The following C13orf42 variants were observed in gnomAD, a reference collection of about 807,000 sequenced individuals.
C13orf42 encodes the protein chromosome 13 open reading frame 42, also known as uncharacterized protein C13orf42.
At chr13:51,129,585 C>A (rs1953600300) in intron 1 of C13orf42, among the ~76,000 whole-genome samples, 2 of 152,188 alleles carry the variant, frequency 1.3e-5, no homozygotes, top group African/African-American at 4.8e-5. Context: ...GCCTTCCCCA[C>A]CCTGCCACAG....
intron 1 of C13orf42, among the ~76,000 whole-genome samples, chr13:51,109,978 A>G (rs908463291): frequency 6.6e-6 from 1 of 152,166 alleles, no homozygotes; most frequent in African/African-American, 2.4e-5. Flanking sequence ...CAAAGAGATA[A>G]ATGCAAATTA....
intron 1 of C13orf42, among the ~76,000 whole-genome samples, chr13:51,104,087 C>A (rs1166944142): frequency 6.6e-6 from 1 of 152,108 alleles, no homozygotes; most frequent in Non-Finnish European, 1.5e-5. Context: ...ATTGTCAAAC[C>A]TTTTATAAAA....
intron 1 of C13orf42, among the ~76,000 whole-genome samples, chr13:51,098,777 G>A (rs1953259593): frequency 6.6e-6 from 1 of 151,774 alleles, no homozygotes; most frequent in Non-Finnish European, 1.5e-5. Context: ...CTCAAGCTAT[G>A]GGCTGCATTA....
chr13:51,097,734 C>T (rs899330760), intron 1 of C13orf42, among the ~76,000 whole-genome samples: 16 of 151,948 alleles, frequency 1.1e-4, no homozygotes, highest in African/African-American at 3.6e-4. Flanking sequence ...TGGATTGCTT[C>T]CCTCCCAATC....
chr13:51,148,381 C>T (rs1057248487), intron 1 of C13orf42, among the ~76,000 whole-genome samples: 4 of 152,208 alleles, frequency 2.6e-5, no homozygotes, highest in African/African-American at 9.6e-5. Flanking sequence ...GGGAGGAGAG[C>T]GACGCACAGG....
At chr13:51,105,962 T>C (rs1436622002) in intron 1 of C13orf42, among the ~76,000 whole-genome samples, 2 of 152,230 alleles carry the variant, frequency 1.3e-5, no homozygotes, top group African/African-American at 4.8e-5. Context: ...GATATGAAAG[T>C]ATCTTGTTGA....
intron 1 of C13orf42, among the ~76,000 whole-genome samples, chr13:51,154,689 A>T (rs1049232491): frequency 3.3e-5 from 5 of 152,232 alleles, no homozygotes; most frequent in African/African-American, 1.2e-4. Context: ...TCATTTATCA[A>T]TGCATGCATT....
chr13:51,163,088 A>G (rs1953878555), intron 1 of C13orf42, among the ~76,000 whole-genome samples: 1 of 152,000 alleles, frequency 6.6e-6, no homozygotes, highest in Non-Finnish European at 1.5e-5. Flanking sequence ...CCCAAATTCC[A>G]ATTTCTGTCT....
intron 1 of C13orf42, among the ~76,000 whole-genome samples, chr13:51,136,598 G>A (rs1193568052): frequency 6.6e-6 from 1 of 152,200 alleles, no homozygotes; most frequent in African/African-American, 2.4e-5. Context: ...GCTCACCGGG[G>A]TGTGGGACAA....
In C13orf42 at chr13:51,083,666, C is replaced by A. The variant is rs1009402734; in HGVS notation, c.*485G>T. On this transcript the variant is annotated 3_prime_UTR_variant, in exon 4 of 4. Transcript: ENST00000563710. ...GCTGCTTTCTCAACTGCATTCTGCACACAAGACGGCAACCTCAGTGCAGAT... is the reference window on the plus strand; with the variant it reads ...GCTGCTTTCTCAACTGCATTCTGCAAACAAGACGGCAACCTCAGTGCAGAT... The A allele has an allele frequency of 6.6e-6, 1 of 152,472 alleles. No homozygotes were observed. Among genetic ancestry groups the A allele is most frequent in the Non-Finnish European group, 1.5e-5 (1 of 68,206 alleles). 9.4% of individuals were successfully genotyped at this position (152,472 alleles called of 1,614,324 possible).
chr13:51,165,217 T>C lies in C13orf42; in HGVS notation n.136+7036A>G, dbSNP rs376596579. Among the ~76,000 whole-genome samples the C allele has an allele frequency of 4.6e-5, 7 of 152,338 alleles. No individual in the cohort carries two copies. In the East Asian group the frequency reaches 9.6e-4, roughly 21 times the overall value. ...TGGCTGAGCTGCCTTATGCTGACTCTGTCCCTGTATCAAAAGCTATAGCTC... is the reference window on the plus strand; with the variant it reads ...TGGCTGAGCTGCCTTATGCTGACTCCGTCCCTGTATCAAAAGCTATAGCTC... On this transcript the variant is annotated intron_variant and non_coding_transcript_variant, in intron 1 of 4. Transcript: ENST00000433280.
At chr13:51,100,495 G>A (rs9568511) in intron 1 of C13orf42, among the ~76,000 whole-genome samples, 25,716 of 152,048 alleles carry the variant, frequency 0.17, 2,369 homozygotes, top group South Asian at 0.32. Flanking sequence ...GAAAATGTAT[G>A]AAGACATGAA....
intron 1 of C13orf42, among the ~76,000 whole-genome samples, chr13:51,096,240 C>T (rs1953233600): frequency 6.6e-6 from 1 of 152,148 alleles, no homozygotes; most frequent in African/African-American, 2.4e-5. Context: ...CACTTTTGCC[C>T]CTCTGTTAGC....
chr13:51,143,317 G>A (rs964437744), intron 1 of C13orf42, among the ~76,000 whole-genome samples: 2 of 152,228 alleles, frequency 1.3e-5, no homozygotes, highest in African/African-American at 2.4e-5. Flanking sequence ...GATTGTAAGG[G>A]CCCATTTTGA....
intron 2 of C13orf42, among the ~76,000 whole-genome samples, chr13:51,086,654 G>A (rs1953131018): frequency 2.0e-5 from 3 of 152,078 alleles, no homozygotes; most frequent in African/African-American, 7.2e-5. Context: ...TGTTATCAGA[G>A]GAGAAAAGTG....
intron 1 of C13orf42, among the ~76,000 whole-genome samples, chr13:51,142,885 AG>A (rs1412871841): frequency 2.0e-5 from 3 of 152,162 alleles, no homozygotes; most frequent in African/African-American, 7.2e-5. Flanking sequence ...AGAACAAATC[AG>A]AAAGTCCGAC....
intron 1 of C13orf42, among the ~76,000 whole-genome samples, chr13:51,141,025 ATTTT>A (rs540697527): frequency 6.9e-6 from 1 of 145,426 alleles, no homozygotes; most frequent in African/African-American, 2.6e-5. Flanking sequence ...ATTAAAAAAA[ATTTT>A]TTTTTTTTGT....
chr13:51,141,779 CAG>C (rs1244516040), intron 1 of C13orf42, among the ~76,000 whole-genome samples: 2 of 146,726 alleles, frequency 1.4e-5, no homozygotes, highest in Non-Finnish European at 3.0e-5. Flanking sequence ...GCCTGGGTGA[CAG>C]AGTTAGACTC....
At chr13:51,156,896 C>T (rs1481026189) in intron 1 of C13orf42, among the ~76,000 whole-genome samples, 1 of 152,198 alleles carries the variant, frequency 6.6e-6, no homozygotes, top group Non-Finnish European at 1.5e-5. Flanking sequence ...GCAATTGTTA[C>T]CCAGTGCCAT....
Sources: gnomAD v4.1 joint callset for allele counts (sites outside exome capture counted in the v4.1 genomes callset) on GRCh38, gnomAD v4.1.1 for gene constraint, MANE v1.5 for transcripts, NCBI Gene and HGNC (gene_info 2026-07-23, HGNC 2026-07-21) for gene names.